Variants in TET3 observed in about 807,000 individuals in gnomAD.
TET3 encodes the protein methylcytosine dioxygenase TET3.
In TET3, 19 loss-of-function variants were observed where a neutral mutation model predicts 141.4. The observed-to-expected ratio is 0.13, with a 90% CI of 0.09 to 0.20. The LOEUF (loss-of-function observed/expected upper bound fraction) is 0.20. Among genes scored for constraint, TET3 ranks in the 10% least tolerant of loss-of-function variants. TET3 has a pLI of 1.00. For missense variants in TET3, 1,874 were observed against 2,356.9 expected (o/e 0.80, Z 4.24); for synonymous variants, 1,043 against 980.9 (o/e 1.06, Z -1.18).
chr2:73,984,588 G>A (rs1457878579), upstream of TET3, among the ~76,000 whole-genome samples: 1 of 151,838 alleles, frequency 6.6e-6, no homozygotes, highest in African/African-American at 2.4e-5. The surrounding 1 kb of genome is among the most constrained non-coding windows in gnomAD (Gnocchi z 5.6). Flanking sequence ...AGGTCCGCGT[G>A]CCCCACCCCG....
rs1691499054 is a variant in TET3 at position 74,106,232 on chromosome 2, C to T, written c.*4056C>T. 6.6e-6 allele frequency: 1 copy of T among 152,250 alleles called. No individual in the cohort carries two copies. The highest frequency in any genetic ancestry group is 2.1e-4 in the South Asian group (1 of 4,826). The allele number at this position is 152,250 out of a possible 1,614,324, so 9.4% of individuals were successfully genotyped here. A position where few individuals can be genotyped will look rare whatever the true frequency, so the allele number is the denominator to read the frequency against. Reference sequence around the variant, plus strand: ...AAGCAAGTCGAGAAGGCAGCTATCTCCCTTTCTGTGATCGGGAGTGGGCCT... The same window carrying T: ...AAGCAAGTCGAGAAGGCAGCTATCTTCCTTTCTGTGATCGGGAGTGGGCCT... On this transcript the variant is annotated 3_prime_UTR_variant, in exon 12 of 12. Transcript: ENST00000409262.
chr2:74,066,017 A>G (rs924072433), intron 4 of TET3, among the ~76,000 whole-genome samples: 1 of 152,172 alleles, frequency 6.6e-6, no homozygotes, highest in African/African-American at 2.4e-5. Flanking sequence ...TTGGCCTCCC[A>G]AAGTGCTGGG....
At chr2:74,006,586 G>A (rs572058089) in intron 3 of TET3, among the ~76,000 whole-genome samples, 2 of 152,326 alleles carry the variant, frequency 1.3e-5, no homozygotes, top group East Asian at 1.9e-4. Flanking sequence ...GCTCCCTCCA[G>A]CTGCAGATGG....
chr2:74,099,231 C>T (rs373734447), intron 10 of TET3, 45 bp from the exon 11 acceptor site: 19 of 1,503,544 alleles, frequency 1.3e-5, no homozygotes, highest in African/African-American at 9.7e-5. Context: ...TCCCAGCACT[C>T]GGTCCCCCAA....
chr2:74,090,821 A>G (rs1690449290), intron 8 of TET3, among the ~76,000 whole-genome samples: 1 of 152,220 alleles, frequency 6.6e-6, no homozygotes, highest in South Asian at 2.1e-4. Context: ...GCACAAGCCT[A>G]TCCAGGTTGT....
At chr2:74,110,151 CCA>C (rs1045322836), downstream of TET3, among the ~76,000 whole-genome samples, 12 of 152,066 alleles carry the variant, frequency 7.9e-5, no homozygotes, top group African/African-American at 2.7e-4. Flanking sequence ...AGTCTTGGGA[CCA>C]CATAGTGACC....
downstream of TET3, among the ~76,000 whole-genome samples, chr2:74,110,138 A>G (rs1318013210): frequency 6.6e-6 from 1 of 152,174 alleles, no homozygotes; most frequent in East Asian, 1.9e-4. Context: ...GGAATCCAAG[A>G]CTAGTCTTGG....
At chr2:74,074,119 G>A (rs1024156861) in intron 5 of TET3, among the ~76,000 whole-genome samples, 3 of 152,146 alleles carry the variant, frequency 2.0e-5, no homozygotes, top group Admixed American at 6.5e-5. Context: ...CCTGGCCAGT[G>A]GAAACCTACT....
intron 1 of TET3, among the ~76,000 whole-genome samples, chr2:73,985,572 C>A (rs1346447312): frequency 6.7e-6 from 1 of 149,696 alleles, no homozygotes; most frequent in Non-Finnish European, 1.5e-5. Flanking sequence ...AGGCGGCTTC[C>A]GTGCCGGGGG....
At position 74,102,219 on chromosome 2, in the gene TET3, G is replaced by A; in HGVS notation, c.*43G>A. The A allele has an allele frequency of 2.1e-6, 3 of 1,411,156 alleles. No individual in the cohort carries two copies. The highest frequency in any genetic ancestry group is 2.8e-6 in the Non-Finnish European group (3 of 1,080,888). 87.4% of individuals were successfully genotyped at this position (1,411,156 alleles called of 1,614,324 possible). A position where few individuals can be genotyped will look rare whatever the true frequency, so the allele number is the denominator to read the frequency against. On this transcript the variant is annotated 3_prime_UTR_variant, in exon 12 of 12. Transcript: ENST00000409262. ...TACCTCAGCGTCGGGCCTGGCCCGAGCTGTCTCTGTGGTGCTTTTGCCCTC... is the reference window on the plus strand; with the variant it reads ...TACCTCAGCGTCGGGCCTGGCCCGAACTGTCTCTGTGGTGCTTTTGCCCTC...
intron 2 of TET3, among the ~76,000 whole-genome samples, chr2:73,995,015 C>T (rs917923058): frequency 6.6e-6 from 1 of 152,052 alleles, no homozygotes; most frequent in Non-Finnish European, 1.5e-5. Flanking sequence ...GGCTGGAGTA[C>T]AGTGGCGTGA....
intron 3 of TET3, among the ~76,000 whole-genome samples, chr2:74,003,467 C>G: frequency 6.7e-6 from 1 of 148,762 alleles, no homozygotes; most frequent in South Asian, 2.2e-4. Context: ...ACCCACTCCC[C>G]ACCCCTGCCT....
At chr2:74,012,059 C>T (rs1008855559) in intron 3 of TET3, among the ~76,000 whole-genome samples, 4 of 152,220 alleles carry the variant, frequency 2.6e-5, no homozygotes, top group Admixed American at 6.5e-5. Context: ...TTCCCAGGCT[C>T]AAGCCATCCT....
rs760000908 is a variant in TET3 at position 74,047,775 on chromosome 2, C to T, written c.1858C>T (p.Leu620Phe). 6.2e-7 allele frequency: 1 copy of T among 1,613,830 alleles called. No homozygotes were observed. The highest frequency in any genetic ancestry group is 8.5e-7 in the Non-Finnish European group (1 of 1,179,830). The change falls in exon 4 of 12, where the codon CTC (leucine) becomes TTC (phenylalanine). Residue 620 changes from leucine to phenylalanine, a missense_variant. Physicochemically the swap from Leu to Phe is conservative, Grantham distance 22 (BLOSUM62 0). This residue lies in a region of TET3 where 484 missense variants were observed against 462.2 expected (regional missense o/e 1.05). Coordinates refer to ENST00000409262, the MANE Select transcript of TET3 (RefSeq NM_001287491.2). ...GTCCAGGCCCCGGGAAGCACAGCCC[C>T]TCTTCCCACCTGTCCGACAGATTGT... ...KKSRPREAQP[L>F]FPPVRQIVLE...
rs142688147 is a variant in TET3 at position 74,064,474 on chromosome 2, A to C, written c.2495-9075A>C. 5.4e-4 allele frequency among the ~76,000 whole-genome samples: 82 copies of C among 152,214 alleles called. 1 individual carries two copies. The highest frequency in any genetic ancestry group is 1.9e-3 in the African/African-American group (78 of 41,510). On this transcript the variant is annotated intron_variant, in intron 4 of 11. Transcript: ENST00000409262. ...GAGTTCGGTGGTGTGATTCCCACTCACTACAACCTCTGCCTCCCAGGCTCA... is the reference window on the plus strand; with the variant it reads ...GAGTTCGGTGGTGTGATTCCCACTCCCTACAACCTCTGCCTCCCAGGCTCA...
In TET3 at chr2:74,093,377, C is replaced by T. The variant is rs1690622639; in HGVS notation, c.3130-152C>T. Among the ~76,000 whole-genome samples the T allele has an allele frequency of 6.6e-6, 1 of 152,092 alleles. No homozygotes were observed. The highest frequency in any genetic ancestry group is 2.1e-4 in the South Asian group (1 of 4,830). ...GAAAGTAACTTTTTTGTAGCTGGGG[C>T]CTCTCAGCCAGAAAACCTCCCTCCT... On this transcript the variant is annotated intron_variant, in intron 9 of 11. Coordinates refer to ENST00000409262, the MANE Select transcript of TET3 (RefSeq NM_001287491.2). This position sits in a 1 kb window ranked among gnomAD's most constrained non-coding sequence, Gnocchi z 4.2.
rs1402291843 is a variant in TET3, at chr2:74,103,193, G to C, written c.*1017G>C. Reference sequence around the variant, plus strand: ...CAAAGTCTATGCTGATACTGAAAAAGGGCTACTGTATCTTTAAAAACAGGA... The same window carrying C: ...CAAAGTCTATGCTGATACTGAAAAACGGCTACTGTATCTTTAAAAACAGGA... On this transcript the variant is annotated 3_prime_UTR_variant, in exon 12 of 12. Transcript: ENST00000409262. 6.6e-6 allele frequency: 1 copy of C among 152,284 alleles called. No homozygotes were observed. Among genetic ancestry groups the C allele is most frequent in the Non-Finnish European group, 1.5e-5 (1 of 68,080 alleles). The allele number at this position is 152,284 out of a possible 1,614,324, so 9.4% of individuals were successfully genotyped here. A position where few individuals can be genotyped will look rare whatever the true frequency, so the allele number is the denominator to read the frequency against.
intron 3 of TET3, among the ~76,000 whole-genome samples, chr2:74,016,058 A>C (rs1212431826): frequency 1.3e-5 from 2 of 152,054 alleles, no homozygotes; most frequent in Non-Finnish European, 2.9e-5. Context: ...ATATATTATC[A>C]ATATTAATTT....
chr2:74,118,805 A>G, the TET3 span, among the ~76,000 whole-genome samples: 1 of 152,200 alleles, frequency 6.6e-6, no homozygotes, highest in Admixed American at 6.5e-5. Flanking sequence ...TTTTGTCTGT[A>G]TGTCCTAAGA....
Sources: allele counts gnomAD v4.1 joint callset (sites outside exome capture counted in the v4.1 genomes callset), GRCh38; gene constraint gnomAD v4.1.1; regional missense constraint gnomAD v4.1.1; non-coding constraint Gnocchi (gnomAD v3.1); transcripts MANE v1.5; gene names NCBI Gene and HGNC (gene_info 2026-07-23, HGNC 2026-07-21).